The following CDPF1 variants were observed in gnomAD, a reference collection of about 807,000 sequenced individuals.
CDPF1 encodes cysteine rich DPF motif domain containing 1.
Under a neutral mutation model 8.3 loss-of-function variants are expected in CDPF1, and 8 were observed. The ratio of observed to expected loss-of-function variants is 0.96; its 90% CI spans 0.57 to 1.74. CDPF1 has a LOEUF of 1.74. CDPF1 is among the 40% of genes most tolerant of loss of function. The probability of loss-of-function intolerance (pLI) is 0.00; values close to 1 mark genes in which losing one functional copy is unlikely to be tolerated. For missense variants in CDPF1, 151 were observed against 155.3 expected, an observed-to-expected ratio of 0.97 and a Z score of 0.15; for synonymous variants, 62 against 62.9, an observed-to-expected ratio of 0.99 and a Z score of 0.07.
Position 46,246,550 on chromosome 22 carries a change from C to T in CDPF1, c.225+560G>A. ...GAGTACACTGGGCACGCTGTGAAAGCCATGCTGCTCCACTTCCATCCGTCC... is the reference window on the plus strand; with the variant it reads ...GAGTACACTGGGCACGCTGTGAAAGTCATGCTGCTCCACTTCCATCCGTCC... On this transcript the variant is annotated intron_variant, in intron 3 of 3. Coordinates refer to ENST00000314567, the MANE Select transcript of CDPF1 (RefSeq NM_207327.5). The surrounding 1 kb of genome is among the most constrained non-coding windows in gnomAD (Gnocchi z 7.1). The T allele has an allele frequency of 8.1e-7, 1 of 1,229,250 alleles. No homozygotes were observed. The highest frequency in any genetic ancestry group is 2.5e-5 in the Admixed American group (1 of 39,606). The allele number at this position is 1,229,250 out of a possible 1,614,324, so 76.1% of individuals were successfully genotyped here. A position where few individuals can be genotyped will look rare whatever the true frequency, so the allele number is the denominator to read the frequency against.
In CDPF1 at chr22:46,247,089, C is replaced by T. The variant is rs1468645796; in HGVS notation, c.225+21G>A. On this transcript the variant is annotated intron_variant, in intron 3 of 3. Transcript: ENST00000314567. This position sits in a 1 kb window ranked among gnomAD's most constrained non-coding sequence, Gnocchi z 4.3. ...TAACCACAGCAAGGACAGGTGGCCC[C>T]AGCCCACGCTGCTTACCCACCGGGC... The T allele has an allele frequency of 1.0e-5, 16 of 1,590,848 alleles. No homozygotes were observed. The highest frequency in any genetic ancestry group is 9.0e-5 in the East Asian group (4 of 44,552).
rs527840867 is a variant in CDPF1, at chr22:46,248,892, G to A, written c.1-608C>T. Among the ~76,000 whole-genome samples the A allele has an allele frequency of 2.0e-5, 3 of 152,274 alleles. No homozygotes were observed. Among genetic ancestry groups the A allele is most frequent in the South Asian group, 2.1e-4 (1 of 4,826 alleles). On this transcript the variant is annotated intron_variant, in intron 1 of 3. Coordinates refer to ENST00000314567, the MANE Select transcript of CDPF1 (RefSeq NM_207327.5). The surrounding 1 kb of genome is among the most constrained non-coding windows in gnomAD (Gnocchi z 4.1). Reference sequence around the variant, plus strand: ...AAATTAGCCAGGCGTGGTGGCGGGCGCCTATAGTCTCAGCTACATGGGAGT... The same window carrying A: ...AAATTAGCCAGGCGTGGTGGCGGGCACCTATAGTCTCAGCTACATGGGAGT...
In CDPF1 at chr22:46,245,321, T is replaced by C. The variant is rs2086719050; in HGVS notation, c.226-83A>G. 7.3e-6 allele frequency: 11 copies of C among 1,504,756 alleles called. No homozygotes were observed. The highest frequency in any genetic ancestry group is 1.4e-5 in the African/African-American group (1 of 72,202). 93.2% of individuals were successfully genotyped at this position (1,504,756 alleles called of 1,614,324 possible). A position where few individuals can be genotyped will look rare whatever the true frequency, so the allele number is the denominator to read the frequency against. Reference sequence around the variant, plus strand: ...TCCCAGGGGCCAGCCCTTCCCACACTTGGGGGGCTGGGCTGGGGCCCCAGC... The same window carrying C: ...TCCCAGGGGCCAGCCCTTCCCACACCTGGGGGGCTGGGCTGGGGCCCCAGC... On this transcript the variant is annotated intron_variant, in intron 3 of 3. Transcript: ENST00000314567. The surrounding 1 kb of genome is among the most constrained non-coding windows in gnomAD (Gnocchi z 6.9).
In CDPF1 at chr22:46,248,555, G is replaced by C. The variant is rs1476247134; in HGVS notation, c.1-271C>G. 6.6e-6 allele frequency among the ~76,000 whole-genome samples: 1 copy of C among 152,172 alleles called. No homozygotes were observed. Among genetic ancestry groups the C allele is most frequent in the Non-Finnish European group, 1.5e-5 (1 of 68,040 alleles). ...GCCAGAGCACCCATCTCTTCTTCCAGGTCTGCACCACGGTAAAAGCGTTCC... is the reference window on the plus strand; with the variant it reads ...GCCAGAGCACCCATCTCTTCTTCCACGTCTGCACCACGGTAAAAGCGTTCC... On this transcript the variant is annotated intron_variant, in intron 1 of 3. Transcript: ENST00000314567. This position sits in a 1 kb window ranked among gnomAD's most constrained non-coding sequence, Gnocchi z 4.1.
Position 46,247,008 on chromosome 22 carries a change from G to T in CDPF1, c.225+102C>A. ...AGCTGAGGGGCCCCATCTATAATGGGGTGAACCCGCTGCTCCCTCTCTCCC... is the reference window on the plus strand; with the variant it reads ...AGCTGAGGGGCCCCATCTATAATGGTGTGAACCCGCTGCTCCCTCTCTCCC... On this transcript the variant is annotated intron_variant, in intron 3 of 3. Transcript: ENST00000314567. The surrounding 1 kb of genome is among the most constrained non-coding windows in gnomAD (Gnocchi z 4.3). 1.6e-6 allele frequency: 2 copies of T among 1,261,640 alleles called. No homozygotes were observed. Among genetic ancestry groups the T allele is most frequent in the Non-Finnish European group, 2.2e-6 (2 of 895,612 alleles). 78.2% of individuals were successfully genotyped at this position (1,261,640 alleles called of 1,614,324 possible). A position where few individuals can be genotyped will look rare whatever the true frequency, so the allele number is the denominator to read the frequency against.
rs1329799473 is a variant in CDPF1, at chr22:46,247,532, CCA to C, written c.114-313_114-312del. Among the ~76,000 whole-genome samples, 2 of 152,174 alleles carry C rather than the reference CCA, an allele frequency of 1.3e-5. No individual in the cohort carries two copies. Among genetic ancestry groups the C allele is most frequent in the Non-Finnish European group, 2.9e-5 (2 of 68,012 alleles). ...GGGCCCCCAGACCCTGACTGATTCA[CCA>C]CAGTGGGGGCACAAGGCTGCCACCT... On this transcript the variant is annotated intron_variant, in intron 2 of 3. Coordinates refer to ENST00000314567, the MANE Select transcript of CDPF1 (RefSeq NM_207327.5). This position sits in a 1 kb window ranked among gnomAD's most constrained non-coding sequence, Gnocchi z 4.3.
Position 46,245,185 on chromosome 22 carries a change from G to A in CDPF1, c.279C>T (p.Asn93=). The stretch of plus-strand genomic sequence containing the variant: ...GAATTTCCTGAGGAAAAGCATTGAT[G>A]TTCTCCCGGACACAAGGGAGGCAGA... ...KRFCLPCVRE[N]INAFPQEIRQ... is the part of the protein sequence containing the mutation. Residue 93 remains asparagine (N), a synonymous_variant, in exon 4 of 4, where the codon AAC becomes AAT. Coordinates refer to ENST00000314567, the MANE Select transcript of CDPF1 (RefSeq NM_207327.5). The surrounding 1 kb of genome is among the most constrained non-coding windows in gnomAD (Gnocchi z 6.9). The A allele has an allele frequency of 6.2e-7, 1 of 1,614,230 alleles. No homozygotes were observed. Among genetic ancestry groups the A allele is most frequent in the Non-Finnish European group, 8.5e-7 (1 of 1,180,008 alleles).
At position 46,248,596 on chromosome 22, in the gene CDPF1, C is replaced by T. The variant is rs77354861; in HGVS notation, c.1-312G>A. ...AAAGCGTTCCGGTCTCCTGCTCTGC[C>T]CCATTCTTTACCACAAGCCCCCAGT... On this transcript the variant is annotated intron_variant, in intron 1 of 3. Transcript: ENST00000314567. This position sits in a 1 kb window ranked among gnomAD's most constrained non-coding sequence, Gnocchi z 4.1. 2.0e-5 allele frequency among the ~76,000 whole-genome samples: 3 copies of T among 152,190 alleles called. No individual in the cohort carries two copies. The highest frequency in any genetic ancestry group is 4.4e-5 in the Non-Finnish European group (3 of 68,046).
Position 46,247,194 on chromosome 22 carries a change from C to T in CDPF1, c.141G>A (p.Lys47=), listed in dbSNP as rs1395846508. 6.2e-7 allele frequency: 1 copy of T among 1,613,822 alleles called. No homozygotes were observed. The highest frequency in any genetic ancestry group is 8.5e-7 in the Non-Finnish European group (1 of 1,179,790). ...MVLLEESYVM[K]DPFTSDKDRF... is the part of the protein sequence containing the mutation. The stretch of plus-strand genomic sequence containing the variant: ...TGTCCTTGTCGGAGGTGAAGGGATC[C>T]TTCATGACATAGCTTTCCTCCAGGA... Residue 47 remains lysine (K), a synonymous_variant, in exon 3 of 4, where the codon AAG becomes AAA. Transcript: ENST00000314567. The surrounding 1 kb of genome is among the most constrained non-coding windows in gnomAD (Gnocchi z 4.3).
Position 46,247,151 on chromosome 22 carries a change from A to G in CDPF1, c.184T>C (p.Ser62Pro), listed in dbSNP as rs1309197084. ...AGCCTGCTGCACAAACTGCAGCACG[A>G]GCCGAGGACCAGGAATCTGTCCTTG... is the stretch of plus-strand genomic sequence containing the variant. The part of the protein sequence containing the change: ...SDKDRFLVLG[S>P]CCSLCSRLVC... The change falls in exon 3 of 4, where the codon TCG (serine) becomes CCG (proline). Residue 62 changes from serine to proline, a missense_variant. Coordinates refer to ENST00000314567, the MANE Select transcript of CDPF1 (RefSeq NM_207327.5). This position sits in a 1 kb window ranked among gnomAD's most constrained non-coding sequence, Gnocchi z 4.3. 1.7e-5 allele frequency: 28 copies of G among 1,614,144 alleles called. No individual in the cohort carries two copies. Among genetic ancestry groups the G allele is most frequent in the Non-Finnish European group, 2.4e-5 (28 of 1,179,988 alleles).
At position 46,248,443 on chromosome 22, in the gene CDPF1, G is replaced by A. The variant is rs547173166; in HGVS notation, c.1-159C>T. On this transcript the variant is annotated intron_variant, in intron 1 of 3. Coordinates refer to ENST00000314567, the MANE Select transcript of CDPF1 (RefSeq NM_207327.5). This position sits in a 1 kb window ranked among gnomAD's most constrained non-coding sequence, Gnocchi z 4.1. ...TCCCCAGCTGAAACAGGTTTTCACCGGTGCCCAGAGTGACAGGATTTGCTG... is the reference window on the plus strand; with the variant it reads ...TCCCCAGCTGAAACAGGTTTTCACCAGTGCCCAGAGTGACAGGATTTGCTG... Among the ~76,000 whole-genome samples, 74 of 152,262 alleles carry A rather than the reference G, an allele frequency of 4.9e-4. No homozygotes were observed. Among genetic ancestry groups the A allele is most frequent in the African/African-American group, 1.6e-3 (67 of 41,544 alleles).
rs1936524050 is a variant in CDPF1 at position 46,248,300 on chromosome 22, A to T, written c.1-16T>A. 6.5e-7 allele frequency: 1 copy of T among 1,548,144 alleles called. No homozygotes were observed. The highest frequency in any genetic ancestry group is 1.4e-5 in the African/African-American group (1 of 72,442). ...GGGACGCCATCTGCAAGATCAAGAGATGGGGTGTCCCTGGGTCACAGGCTT... is the reference window on the plus strand; with the variant it reads ...GGGACGCCATCTGCAAGATCAAGAGTTGGGGTGTCCCTGGGTCACAGGCTT... On this transcript the variant is annotated splice_polypyrimidine_tract_variant and intron_variant, in intron 1 of 3. Transcript: ENST00000314567. The surrounding 1 kb of genome is among the most constrained non-coding windows in gnomAD (Gnocchi z 4.1).
chr22:46,244,790 C>T lies in CDPF1; in HGVS notation c.*302G>A. ...GCTGCCCTGCTGAAGGAGGTCATCC[C>T]TCTCAGTCACATCTGAGCAGCACTC... is the stretch of plus-strand genomic sequence containing the variant. On this transcript the variant is annotated 3_prime_UTR_variant, in exon 4 of 4. Transcript: ENST00000314567. The surrounding 1 kb of genome is among the most constrained non-coding windows in gnomAD (Gnocchi z 6.7). 3.0e-6 allele frequency: 1 copy of T among 338,110 alleles called. No individual in the cohort carries two copies. The highest frequency in any genetic ancestry group is 5.6e-6 in the Non-Finnish European group (1 of 179,448). The allele number at this position is 338,110 out of a possible 1,614,324, so 20.9% of individuals were successfully genotyped here.
rs1040071138 is a variant in CDPF1, at chr22:46,247,061, G to C, written c.225+49C>G. Reference sequence around the variant, plus strand: ...CCCTCCCTACCCAGGGAGAGCTCCAGGATAACCACAGCAAGGACAGGTGGC... The same window carrying C: ...CCCTCCCTACCCAGGGAGAGCTCCACGATAACCACAGCAAGGACAGGTGGC... On this transcript the variant is annotated intron_variant, in intron 3 of 3. Transcript: ENST00000314567. This position sits in a 1 kb window ranked among gnomAD's most constrained non-coding sequence, Gnocchi z 4.3. The C allele has an allele frequency of 9.4e-6, 14 of 1,495,524 alleles. No homozygotes were observed. The highest frequency in any genetic ancestry group is 1.8e-5 in the Admixed American group (1 of 56,982). 92.6% of individuals were successfully genotyped at this position (1,495,524 alleles called of 1,614,324 possible).
Position 46,248,095 on chromosome 22 carries a change from C to T in CDPF1, c.113+77G>A. The T allele has an allele frequency of 2.1e-6, 2 of 961,528 alleles. No homozygotes were observed. Among genetic ancestry groups the T allele is most frequent in the Non-Finnish European group, 3.2e-6 (2 of 621,812 alleles). The allele number at this position is 961,528 out of a possible 1,614,324, so 59.6% of individuals were successfully genotyped here. On this transcript the variant is annotated intron_variant, in intron 2 of 3. Transcript: ENST00000314567. This position sits in a 1 kb window ranked among gnomAD's most constrained non-coding sequence, Gnocchi z 4.1. Reference sequence around the variant, plus strand: ...AAAGCTCCACACCTGAGACAGTTGTCAGACCTAGGCACACCACCCACCAAC... The same window carrying T: ...AAAGCTCCACACCTGAGACAGTTGTTAGACCTAGGCACACCACCCACCAAC...
At position 46,248,702 on chromosome 22, in the gene CDPF1, A is replaced by G. The variant is rs1309890718; in HGVS notation, c.1-418T>C. On this transcript the variant is annotated intron_variant, in intron 1 of 3. Coordinates refer to ENST00000314567, the MANE Select transcript of CDPF1 (RefSeq NM_207327.5). This position sits in a 1 kb window ranked among gnomAD's most constrained non-coding sequence, Gnocchi z 4.1. ...CCTAGAAGCTCTATGCCCTCACATT[A>G]GTCCACACGTGGTGTGGACATTAGA... Among the ~76,000 whole-genome samples, 1 of 152,226 alleles carries G rather than the reference A, an allele frequency of 6.6e-6. No individual in the cohort carries two copies. Among genetic ancestry groups the G allele is most frequent in the Non-Finnish European group, 1.5e-5 (1 of 68,036 alleles).
chr22:46,246,885 G>C lies in CDPF1; in HGVS notation c.225+225C>G, dbSNP rs780897765. ...GGGGAGGAACCCTGAGGGGCCACTG[G>C]GGTGGGTGCAGAGCCACCAATTACC... On this transcript the variant is annotated intron_variant, in intron 3 of 3. Coordinates refer to ENST00000314567, the MANE Select transcript of CDPF1 (RefSeq NM_207327.5). The surrounding 1 kb of genome is among the most constrained non-coding windows in gnomAD (Gnocchi z 7.1). The C allele has an allele frequency of 6.6e-7, 1 of 1,515,142 alleles. No individual in the cohort carries two copies. The highest frequency in any genetic ancestry group is 1.4e-5 in the African/African-American group (1 of 72,396). The allele number at this position is 1,515,142 out of a possible 1,614,324, so 93.9% of individuals were successfully genotyped here.
In CDPF1 at chr22:46,245,164, T is replaced by A. The variant is rs1225333247; in HGVS notation, c.300A>T (p.Glu100Asp). The A allele has an allele frequency of 2.5e-6, 4 of 1,614,240 alleles. No homozygotes were observed. The highest frequency in any genetic ancestry group is 1.7e-6 in the Non-Finnish European group (2 of 1,180,038). ...TCCTTTTCTCCAAGTCTTGCCGAAT[T>A]TCCTGAGGAAAAGCATTGATGTTCT... ...VRENINAFPQEIRQDLEKRKA... is the reference protein window; with the variant it reads ...VRENINAFPQDIRQDLEKRKA... The change falls in exon 4 of 4, where the codon GAA (glutamate) becomes GAT (aspartate). Residue 100 changes from glutamate (E) to aspartate (D), a missense_variant. By Grantham distance (45) the Glu-to-Asp change is conservative (BLOSUM62 2). Transcript: ENST00000314567. The surrounding 1 kb of genome is among the most constrained non-coding windows in gnomAD (Gnocchi z 6.9).
At position 46,244,208 on chromosome 22, in the gene CDPF1, C is replaced by T. The variant is rs541507377; in HGVS notation, c.*884G>A. On this transcript the variant is annotated 3_prime_UTR_variant, in exon 4 of 4. Transcript: ENST00000314567. The surrounding 1 kb of genome is among the most constrained non-coding windows in gnomAD (Gnocchi z 6.7). ...CTGGAGTAGGGGGGTGCTGCAGGAA[C>T]CCCCGGCAGGCAGTGGGGCCAGGCT... 1 of 152,560 alleles carries T rather than the reference C, an allele frequency of 6.6e-6. No homozygotes were observed. Among genetic ancestry groups the T allele is most frequent in the African/African-American group, 2.4e-5 (1 of 41,518 alleles). The allele number at this position is 152,560 out of a possible 1,614,324, so 9.5% of individuals were successfully genotyped here. A position where few individuals can be genotyped will look rare whatever the true frequency, so the allele number is the denominator to read the frequency against.
Sources: gnomAD v4.1 joint callset for allele counts (sites outside exome capture counted in the v4.1 genomes callset) on GRCh38, gnomAD v4.1.1 for gene constraint, Gnocchi (gnomAD v3.1) non-coding constraint, MANE v1.5 for transcripts, NCBI Gene and HGNC (gene_info 2026-07-23, HGNC 2026-07-21) for gene names.